Variants in NRG1 observed in about 807,000 individuals in gnomAD.
The protein encoded by NRG1 is pro-neuregulin-1, membrane-bound isoform.
NRG1 carries 18 observed loss-of-function variants against 63.8 expected under a neutral mutation model. That is an observed-to-expected ratio of 0.28 (90% CI 0.19 to 0.42). The LOEUF (loss-of-function observed/expected upper bound fraction) is 0.42. Ranked by LOEUF, NRG1 falls within the 10% of genes least tolerant of loss-of-function variation. The pLI, the probability that NRG1 is intolerant of heterozygous loss-of-function variation, is 1.00. For missense variants in NRG1, 762 were observed against 814.7 expected (o/e 0.94, Z 0.79); for synonymous variants, 302 against 301.3 (o/e 1.00, Z -0.02).
chr8:31,739,314 T>G (rs891552001), intron 1 of NRG1, among the ~76,000 whole-genome samples: 15 of 152,088 alleles, frequency 9.9e-5, no homozygotes, highest in African/African-American at 1.2e-4. Flanking sequence ...CTGGGGTTGG[T>G]AATGCAATAC....
chr8:32,579,004 AATG>A (rs1378647505), intron 1 of NRG1, among the ~76,000 whole-genome samples: 1 of 152,150 alleles, frequency 6.6e-6, no homozygotes, highest in African/African-American at 2.4e-5. Context: ...AAAATTCCTA[AATG>A]ATGATATTTT....
intron 1 of NRG1, among the ~76,000 whole-genome samples, chr8:31,766,345 G>A (rs1818058075): frequency 1.3e-5 from 2 of 152,130 alleles, no homozygotes; most frequent in Non-Finnish European, 2.9e-5. Context: ...ACTAGCCTGT[G>A]TTCAGTCTAG....
intron 1 of NRG1, among the ~76,000 whole-genome samples, chr8:31,962,781 C>G (rs536194202): frequency 6.6e-6 from 1 of 152,130 alleles, no homozygotes; most frequent in African/African-American, 2.4e-5. Context: ...TATATTCAAA[C>G]ACTTTGGGAA....
chr8:32,646,890 G>A, intron 5 of NRG1: 2 of 985,010 alleles, frequency 2.0e-6, no homozygotes, highest in Non-Finnish European at 2.4e-6. Context: ...GCGGGGAGTG[G>A]GGGTTGGGAG....
chr8:31,927,725 G>A (rs1376657709), intron 1 of NRG1, among the ~76,000 whole-genome samples: 2 of 150,496 alleles, frequency 1.3e-5, no homozygotes, highest in South Asian at 2.1e-4. Context: ...TGGGATTACA[G>A]GCGTGAGCCA....
rs57363109 is a variant in NRG1 at position 31,712,255 on chromosome 8, C to CTTTTTTTTT, written c.37+72846_37+72854dup. ...TGACTTCCTGTTTCTTCTTCATGAT[C>CTTTTTTTTT]TTTTTTTTTTTTTTTTTTTTTTTTT... On this transcript the variant is annotated intron_variant, in intron 1 of 10. Transcript: ENST00000519301. Among the ~76,000 whole-genome samples, 357 of 72,320 alleles carry CTTTTTTTTT rather than the reference C, an allele frequency of 4.9e-3. 52 individuals carry two copies. Among genetic ancestry groups the CTTTTTTTTT allele is most frequent in the Non-Finnish European group, 6.7e-3 (264 of 39,648 alleles). The allele number at this position is 72,320 out of a possible 152,430, so 47.4% of individuals were successfully genotyped here. A position where few individuals can be genotyped will look rare whatever the true frequency, so the allele number is the denominator to read the frequency against.
At chr8:31,958,687 G>A (rs987295991) in intron 1 of NRG1, among the ~76,000 whole-genome samples, 1 of 152,172 alleles carries the variant, frequency 6.6e-6, no homozygotes, top group Non-Finnish European at 1.5e-5. Context: ...TTCACATTAG[G>A]AAAATATGCT....
At chr8:32,202,821 T>A (rs1447745016) in intron 1 of NRG1, among the ~76,000 whole-genome samples, 2 of 150,840 alleles carry the variant, frequency 1.3e-5, no homozygotes, top group Non-Finnish European at 2.9e-5. Context: ...CTCTTCTGCT[T>A]GTGGAGCCTG....
intron 1 of NRG1, among the ~76,000 whole-genome samples, chr8:32,307,071 G>A (rs146360485): frequency 1.6e-3 from 238 of 152,234 alleles, no homozygotes; most frequent in African/African-American, 5.3e-3. Flanking sequence ...ACTTCCCAGC[G>A]CACATTTTTG....
At chr8:31,859,894 G>A (rs1192396849) in intron 1 of NRG1, among the ~76,000 whole-genome samples, 1 of 152,176 alleles carries the variant, frequency 6.6e-6, no homozygotes, top group Non-Finnish European at 1.5e-5. Context: ...CCCATGGTGG[G>A]GAGGTATGTG....
rs564092814 is a variant in NRG1 at position 32,211,160 on chromosome 8, G to A, written c.38-384668G>A. Among the ~76,000 whole-genome samples the A allele has an allele frequency of 5.9e-5, 9 of 152,206 alleles. 1 individual carries two copies. The South Asian group carries it at 1.2e-3, about 21-fold the overall frequency. ...TAGCCCTTTTTGTTGTCAAAAATAA[G>A]CAAAGATAAAGGGGAAAGATTTTGT... On this transcript the variant is annotated intron_variant, in intron 1 of 10. Coordinates refer to the NRG1 transcript ENST00000519301.
chr8:32,411,412 C>G (rs1050166897), intron 1 of NRG1, among the ~76,000 whole-genome samples: 2 of 152,212 alleles, frequency 1.3e-5, no homozygotes, highest in African/African-American at 4.8e-5. Context: ...AATGGCACTT[C>G]AAAATCCACC....
At chr8:31,692,019 GAT>G (rs1809581415) in intron 1 of NRG1, among the ~76,000 whole-genome samples, 1 of 152,120 alleles carries the variant, frequency 6.6e-6, no homozygotes, top group South Asian at 2.1e-4. Flanking sequence ...TTTTTGAAGA[GAT>G]GAGGTCTTGC....
At chr8:32,673,443 G>C (rs2128899173) in intron 5 of NRG1, among the ~76,000 whole-genome samples, 1 of 152,248 alleles carries the variant, frequency 6.6e-6, no homozygotes, top group Middle Eastern at 3.4e-3. Context: ...ATAAATGACA[G>C]TCATAACAAA....
chr8:32,453,212 T>C (rs748389454), intron 1 of NRG1, among the ~76,000 whole-genome samples: 1 of 152,134 alleles, frequency 6.6e-6, no homozygotes, highest in Non-Finnish European at 1.5e-5. Flanking sequence ...CACTTTTGCC[T>C]TAGGAAAAAA....
At position 32,402,187 on chromosome 8, in the gene NRG1, A is replaced by G. The variant is rs1427212336; in HGVS notation, c.38-193641A>G. Among the ~76,000 whole-genome samples, 30 of 152,214 alleles carry G rather than the reference A, an allele frequency of 2.0e-4. 1 individual carries two copies. Among genetic ancestry groups the G allele is most frequent in the Non-Finnish European group, 1.5e-5 (1 of 68,042 alleles). On this transcript the variant is annotated intron_variant, in intron 1 of 10. Transcript: ENST00000519301. ...CTCGGCCTCCCGAAGTGCTGGGATTACAGTTGTGAGCCACCACGCCTGGCC... is the reference window on the plus strand; with the variant it reads ...CTCGGCCTCCCGAAGTGCTGGGATTGCAGTTGTGAGCCACCACGCCTGGCC...
At chr8:31,807,945 T>TCG (rs3050861) in intron 1 of NRG1, among the ~76,000 whole-genome samples, 7 of 113,582 alleles carry the variant, frequency 6.2e-5, no homozygotes, top group Non-Finnish European at 1.1e-4. Context: ...TCAAGAGTAT[T>TCG]CGCGTGTGTG....
chr8:32,572,598 G>T (rs1281607461), intron 1 of NRG1, among the ~76,000 whole-genome samples: 1 of 152,032 alleles, frequency 6.6e-6, no homozygotes, highest in Non-Finnish European at 1.5e-5. Context: ...TAGTTATAAA[G>T]ACCATAATGC....
intron 3 of NRG1, 49 bp from the exon 4 acceptor site, chr8:32,614,465 C>T: frequency 6.3e-7 from 1 of 1,586,224 alleles, no homozygotes; most frequent in South Asian, 1.1e-5. Flanking sequence ...GTACCTGCTC[C>T]CGGCCTCCTG....
Sources: gnomAD v4.1 joint callset for allele counts (sites outside exome capture counted in the v4.1 genomes callset) on GRCh38, gnomAD v4.1.1 for gene constraint, MANE v1.5 for transcripts, NCBI Gene and HGNC (gene_info 2026-07-23, HGNC 2026-07-21) for gene names.